The following ZNF385D variants were observed in gnomAD, a reference collection of about 807,000 sequenced individuals.
ZNF385D encodes zinc finger protein 659.
ZNF385D carries 15 observed loss-of-function variants against 35.8 expected under a neutral mutation model. The ratio of observed to expected loss-of-function variants is 0.42; its 90% confidence interval spans 0.28 to 0.64. ZNF385D has a LOEUF of 0.64. Among genes scored for constraint, ZNF385D ranks in the 30% least tolerant of loss-of-function variants. The pLI is 0.23. For missense variants in ZNF385D, 474 were observed against 494.6 expected, an observed-to-expected ratio of 0.96 and a Z score of 0.39; for synonymous variants, 212 against 186.8, an observed-to-expected ratio of 1.13 and a Z score of -1.10.
At chr3:22,361,194 C>T (rs747540081) in intron 2 of ZNF385D, among the ~76,000 whole-genome samples, 36 of 152,036 alleles carry the variant, frequency 2.4e-4, no homozygotes, top group Non-Finnish European at 4.9e-4. Flanking sequence ...AGCTAATGGA[C>T]AAGATGATTC....
At chr3:22,018,030 TCTA>T (rs1696993045) in intron 3 of ZNF385D, among the ~76,000 whole-genome samples, 1 of 151,926 alleles carries the variant, frequency 6.6e-6, no homozygotes, top group Non-Finnish European at 1.5e-5. Context: ...GATATAGAAC[TCTA>T]CTATTTTTTT....
chr3:22,069,439 C>T (rs1700122708), intron 3 of ZNF385D, among the ~76,000 whole-genome samples: 1 of 152,142 alleles, frequency 6.6e-6, no homozygotes, highest in East Asian at 1.9e-4. Context: ...ATATATTAAA[C>T]AAGAACCCCG....
rs189541307 is a variant in ZNF385D, at chr3:21,424,980, C to T, written c.852+512G>A. On this transcript the variant is annotated intron_variant, in intron 6 of 7. Coordinates refer to ENST00000281523, the MANE Select transcript of ZNF385D (RefSeq NM_024697.3). ...GAAGACTATTCATAGTAAAAATGAA[C>T]ACAACTTGATTAGTCATTCCTATTG... 2.0e-5 allele frequency among the ~76,000 whole-genome samples: 3 copies of T among 152,228 alleles called. No homozygotes were observed. In the East Asian group the frequency reaches 5.8e-4, roughly 29 times the overall value.
At chr3:21,649,793 G>A (rs1419985835) in intron 2 of ZNF385D, among the ~76,000 whole-genome samples, 1 of 152,106 alleles carries the variant, frequency 6.6e-6, no homozygotes, top group Non-Finnish European at 1.5e-5. Context: ...TCACTAAAGA[G>A]AATCAATCTG....
intron 2 of ZNF385D, among the ~76,000 whole-genome samples, chr3:22,228,097 C>G (rs997832484): frequency 6.6e-6 from 1 of 152,014 alleles, no homozygotes; most frequent in Non-Finnish European, 1.5e-5. Flanking sequence ...GACAGAGAGG[C>G]AAGATGGTAA....
intron 2 of ZNF385D, among the ~76,000 whole-genome samples, chr3:22,234,876 T>C (rs898231747): frequency 2.0e-5 from 3 of 152,090 alleles, no homozygotes; most frequent in African/African-American, 7.2e-5. Flanking sequence ...CTATCCTGCA[T>C]TATAATTCTA....
intron 2 of ZNF385D, among the ~76,000 whole-genome samples, chr3:22,344,442 T>A (rs916778789): frequency 6.6e-6 from 1 of 152,134 alleles, no homozygotes; most frequent in African/African-American, 2.4e-5. Context: ...CAAGCTAGAG[T>A]GCAGTGATGT....
At chr3:21,856,474 C>T (rs1696718863) in intron 3 of ZNF385D, among the ~76,000 whole-genome samples, 1 of 152,078 alleles carries the variant, frequency 6.6e-6, no homozygotes, top group Non-Finnish European at 1.5e-5. Context: ...TCAAAATTAA[C>T]ATGTAAAATA....
chr3:21,611,386 C>T (rs2064673289), intron 2 of ZNF385D, among the ~76,000 whole-genome samples: 1 of 152,134 alleles, frequency 6.6e-6, no homozygotes, highest in Non-Finnish European at 1.5e-5. Flanking sequence ...GCTACTCCTT[C>T]TGGGGGAAAA....
chr3:21,970,324 G>A (rs1230193513), intron 3 of ZNF385D, among the ~76,000 whole-genome samples: 1 of 151,988 alleles, frequency 6.6e-6, no homozygotes, highest in Non-Finnish European at 1.5e-5. Flanking sequence ...ATAATTCAGA[G>A]AAGGAATTCA....
intron 1 of ZNF385D, among the ~76,000 whole-genome samples, chr3:21,695,304 G>C (rs1482157822): frequency 6.6e-6 from 1 of 152,050 alleles, no homozygotes. Flanking sequence ...TTAATCTTTG[G>C]ATGCCTCTGG....
chr3:21,997,999 A>T (rs919664630), intron 3 of ZNF385D, among the ~76,000 whole-genome samples: 1 of 152,024 alleles, frequency 6.6e-6, no homozygotes, highest in Non-Finnish European at 1.5e-5. Context: ...AACAGGATGT[A>T]GCAAAGAAAC....
At chr3:21,833,513 G>A (rs1186863000) in intron 3 of ZNF385D, among the ~76,000 whole-genome samples, 2 of 152,074 alleles carry the variant, frequency 1.3e-5, no homozygotes, top group Non-Finnish European at 2.9e-5. Context: ...GGCCAGGAGT[G>A]GTTTTCCCAT....
At chr3:21,660,806 T>C (rs1458106984) in intron 2 of ZNF385D, among the ~76,000 whole-genome samples, 1 of 152,214 alleles carries the variant, frequency 6.6e-6, no homozygotes, top group African/African-American at 2.4e-5. Context: ...TTAGTTATTT[T>C]ATTGTACAGG....
intron 2 of ZNF385D, among the ~76,000 whole-genome samples, chr3:21,656,368 G>T (rs2066071878): frequency 6.6e-6 from 1 of 151,954 alleles, no homozygotes; most frequent in Non-Finnish European, 1.5e-5. Flanking sequence ...TGTCAGCAGG[G>T]TTGGTTTCTT....
intron 2 of ZNF385D, among the ~76,000 whole-genome samples, chr3:21,661,210 G>A (rs970176142): frequency 7.9e-5 from 12 of 152,116 alleles, no homozygotes; most frequent in African/African-American, 2.7e-4. Flanking sequence ...CCATTCGAAT[G>A]CCTGGAATAG....
At chr3:22,102,718 T>C (rs967028145) in intron 3 of ZNF385D, among the ~76,000 whole-genome samples, 11 of 152,100 alleles carry the variant, frequency 7.2e-5, no homozygotes, top group Admixed American at 7.2e-4. Flanking sequence ...GGGTTTTAAC[T>C]GATCTTCAAT....
chr3:22,300,298 A>G (rs2125410644), intron 2 of ZNF385D, among the ~76,000 whole-genome samples: 1 of 152,098 alleles, frequency 6.6e-6, no homozygotes, highest in Middle Eastern at 3.4e-3. Flanking sequence ...CTCAAAATAG[A>G]TTAAAGACTT....
chr3:22,305,397 C>T (rs971574621), intron 2 of ZNF385D, among the ~76,000 whole-genome samples: 10 of 152,148 alleles, frequency 6.6e-5, no homozygotes, highest in Non-Finnish European at 1.3e-4. Context: ...CTAACTACAT[C>T]AATCTGGTTA....
Sources: allele counts gnomAD v4.1 joint callset (sites outside exome capture counted in the v4.1 genomes callset), GRCh38; gene constraint gnomAD v4.1.1; transcripts MANE v1.5; gene names NCBI Gene and HGNC (gene_info 2026-07-23, HGNC 2026-07-21).